TRPC5: variants seen among roughly 807,000 people sequenced by gnomAD.
TRPC5 encodes short transient receptor potential channel 5.
In TRPC5, 9 loss-of-function variants were observed where a neutral mutation model predicts 56.5. The ratio of observed to expected loss-of-function variants is 0.16; its 90% CI spans 0.10 to 0.28. TRPC5 has a LOEUF of 0.28. Ranked by LOEUF, TRPC5 falls within the 10% of genes least tolerant of loss-of-function variation. The probability of loss-of-function intolerance (pLI) is 1.00; values close to 1 mark genes in which losing one functional copy is unlikely to be tolerated. For synonymous variants in TRPC5, 282 were observed against 278.5 expected (o/e 1.01, Z -0.13); for missense variants, 469 against 748.9 (o/e 0.63, Z 4.36).
chrX:111,839,477 C>T (rs1922663174), intron 6 of TRPC5, among the ~76,000 whole-genome samples: 1 of 111,800 alleles, frequency 8.9e-6, no homozygotes, highest in African/African-American at 3.3e-5. Context: ...AAAAATGATT[C>T]TTGGTAAGAT....
intron 1 of TRPC5, among the ~76,000 whole-genome samples, chrX:112,000,967 C>T (rs948105794): frequency 8.9e-6 from 1 of 112,299 alleles, no homozygotes; most frequent in Non-Finnish European, 1.9e-5. Context: ...CTAACACTTA[C>T]ATGGTGCTAT....
At chrX:112,030,728 G>A (rs1438289332) in intron 1 of TRPC5, among the ~76,000 whole-genome samples, 1 of 111,832 alleles carries the variant, frequency 8.9e-6, no homozygotes, top group Non-Finnish European at 1.9e-5. Flanking sequence ...AATTGTTTAA[G>A]TATCCTTTCT....
chrX:111,833,678 G>A (rs1467464388), intron 7 of TRPC5, among the ~76,000 whole-genome samples: 8 of 110,986 alleles, frequency 7.2e-5, no homozygotes, highest in East Asian at 2.8e-4. Flanking sequence ...GATCACAGAC[G>A]TTCACTATTA....
intron 3 of TRPC5, among the ~76,000 whole-genome samples, chrX:111,905,352 TAACCAACC>T (rs745965670): frequency 5.4e-5 from 6 of 110,643 alleles, no homozygotes; most frequent in African/African-American, 9.9e-5. Flanking sequence ...ACAAACCAAC[TAACCAACC>T]AACCAACCAA....
At position 111,912,482 on chromosome X, in the gene TRPC5, A is replaced by G; in HGVS notation, c.709T>C (p.Phe237Leu). 1 of 1,210,617 alleles carries G rather than the reference A, an allele frequency of 8.3e-7. No individual in the cohort carries two copies. The highest frequency in any genetic ancestry group is 1.1e-6 in the Non-Finnish European group (1 of 895,175). ...GAGAGCTCCTCATACTCGGCCTTGA[A>G]CTCATTCTCCACCTTGCTGAGCTCC... Reference protein sequence around the residue: ...LKELSKVENEFKAEYEELSQQ... With the variant: ...LKELSKVENELKAEYEELSQQ... The change falls in exon 3 of 11, where the codon TTC becomes CTC. Residue 237 changes from phenylalanine (F) to leucine (L), a missense_variant. Physicochemically the swap from Phe to Leu is conservative, Grantham distance 22. Around this residue, in one of 3 missense-constraint regions of TRPC5, gnomAD observed 157 missense variants for 360.0 expected, o/e 0.44. Coordinates refer to ENST00000262839, the MANE Select transcript of TRPC5 (RefSeq NM_012471.3).
At chrX:111,781,274 G>A in intron 8 of TRPC5, 68 bp from the exon 9 acceptor site, 2 of 979,593 alleles carry the variant, frequency 2.0e-6, no homozygotes, top group East Asian at 6.2e-5. Flanking sequence ...CCAAACATCT[G>A]AATATAATTA....
chrX:111,783,376 G>A (rs969275485), intron 7 of TRPC5, among the ~76,000 whole-genome samples: 5 of 111,556 alleles, frequency 4.5e-5, no homozygotes, highest in African/African-American at 1.6e-4. Flanking sequence ...ATGCCAAACT[G>A]TTTCCAGAGT....
At chrX:112,007,868 T>C (rs1416226778) in intron 1 of TRPC5, among the ~76,000 whole-genome samples, 1 of 111,332 alleles carries the variant, frequency 9.0e-6, no homozygotes, top group African/African-American at 3.3e-5. Context: ...GGTAGGGTAG[T>C]TCCATATTAA....
At chrX:111,999,652 C>G (rs757122982) in intron 1 of TRPC5, among the ~76,000 whole-genome samples, 1 of 112,026 alleles carries the variant, frequency 8.9e-6, no homozygotes, top group South Asian at 3.8e-4. Flanking sequence ...ACTGCTAGAT[C>G]ATGAAATAGG....
At chrX:111,885,861 GTCA>G (rs1924467694) in intron 3 of TRPC5, among the ~76,000 whole-genome samples, 2 of 111,866 alleles carry the variant, frequency 1.8e-5, no homozygotes, top group Admixed American at 1.9e-4. Context: ...CTTGCTTATT[GTCA>G]TCATCCTTAT....
Position 111,832,085 on chromosome X carries a change from T to A in TRPC5, c.1896+2836A>T, listed in dbSNP as rs145199354. ...CTGCTAATTGTCAATAACAATAATA[T>A]ACAATATGGCCAGCTTCACCTGCTG... On this transcript the variant is annotated intron_variant, in intron 7 of 10. Coordinates refer to ENST00000262839, the MANE Select transcript of TRPC5 (RefSeq NM_012471.3). 5.7e-3 allele frequency among the ~76,000 whole-genome samples: 631 copies of A among 111,612 alleles called. 1 individual carries two copies. Among genetic ancestry groups the A allele is most frequent in the Non-Finnish European group, 9.4e-3 (498 of 53,086 alleles).
chrX:111,984,021 T>C (rs1294696845), intron 1 of TRPC5, among the ~76,000 whole-genome samples: 1 of 111,578 alleles, frequency 9.0e-6, no homozygotes, highest in Non-Finnish European at 1.9e-5. Flanking sequence ...CCCAACTTTA[T>C]AGCTTGGTGT....
intron 5 of TRPC5, among the ~76,000 whole-genome samples, chrX:111,848,579 C>T (rs759964010): frequency 2.0e-4 from 22 of 112,188 alleles, no homozygotes. Context: ...AAACAACTTT[C>T]CTGAGAAAAT....
At chrX:112,043,428 G>A (rs767790447) in intron 1 of TRPC5, among the ~76,000 whole-genome samples, 184 of 111,643 alleles carry the variant, frequency 1.6e-3, no homozygotes, top group Non-Finnish European at 2.3e-3. Flanking sequence ...TAAACTAGCA[G>A]CATTCCCCTT....
intron 1 of TRPC5, among the ~76,000 whole-genome samples, chrX:112,073,317 T>C (rs1485507469): frequency 9.0e-6 from 1 of 111,559 alleles, no homozygotes; most frequent in East Asian, 2.8e-4. Flanking sequence ...TTGCCCAGGC[T>C]GGAGTACAGT....
intron 7 of TRPC5, among the ~76,000 whole-genome samples, chrX:111,786,865 G>A (rs898230244): frequency 6.3e-5 from 7 of 111,733 alleles, no homozygotes; most frequent in African/African-American, 1.9e-4. Flanking sequence ...AGAAGAGCTA[G>A]CTATCCTAAA....
chrX:111,812,959 C>T (rs1028704725), intron 7 of TRPC5, among the ~76,000 whole-genome samples: 1 of 112,279 alleles, frequency 8.9e-6, no homozygotes, highest in Non-Finnish European at 1.9e-5. Flanking sequence ...CAAGAGATAT[C>T]ATCCCCAATA....
At chrX:112,026,055 A>G (rs1244125580) in intron 1 of TRPC5, among the ~76,000 whole-genome samples, 1 of 112,405 alleles carries the variant, frequency 8.9e-6, no homozygotes, top group Non-Finnish European at 1.9e-5. Flanking sequence ...AGAAACAGTT[A>G]TAAGAGCACT....
chrX:111,892,647 A>C (rs750495194), intron 3 of TRPC5, among the ~76,000 whole-genome samples: 4 of 111,916 alleles, frequency 3.6e-5, no homozygotes, highest in South Asian at 3.8e-4. Flanking sequence ...GATTGTTCTT[A>C]GGTCTCCTGA....
Sources: gnomAD v4.1 joint callset for allele counts (sites outside exome capture counted in the v4.1 genomes callset) on GRCh38, gnomAD v4.1.1 for gene constraint, gnomAD v4.1.1 regional missense constraint, MANE v1.5 for transcripts, NCBI Gene and HGNC (gene_info 2026-07-23, HGNC 2026-07-21) for gene names.